The following NRCAM variants were observed in gnomAD, a reference collection of about 807,000 sequenced individuals.
NRCAM encodes the protein NgCAM-related cell adhesion molecule.
NRCAM carries 83 observed loss-of-function variants against 156.5 expected under a neutral mutation model. The observed-to-expected ratio is 0.53, with a 90% CI of 0.44 to 0.64. The LOEUF (loss-of-function observed/expected upper bound fraction) is 0.64, where lower values mean the gene tolerates loss of function less well. Among genes scored for constraint, NRCAM ranks in the 30% least tolerant of loss-of-function variants. The probability of loss-of-function intolerance (pLI) is 0.00; values close to 1 mark genes in which losing one functional copy is unlikely to be tolerated. For synonymous variants in NRCAM, 538 were observed against 563.9 expected, an observed-to-expected ratio of 0.95 and a Z score of 0.65; for missense variants, 1,417 against 1,597.3, an observed-to-expected ratio of 0.89 and a Z score of 1.92.
intron 11 of NRCAM, among the ~76,000 whole-genome samples, chr7:108,209,905 T>C (rs1236483160): frequency 6.6e-6 from 1 of 152,190 alleles, no homozygotes; most frequent in Non-Finnish European, 1.5e-5. Context: ...TTGTGACTAA[T>C]AAGGAACTCT....
intron 3 of NRCAM, among the ~76,000 whole-genome samples, chr7:108,299,574 T>G (rs1482410494): frequency 6.6e-6 from 1 of 152,212 alleles, no homozygotes; most frequent in African/African-American, 2.4e-5. Context: ...TTGCACCTAT[T>G]TATTCTCTGC....
chr7:108,202,324 C>A (rs1280304198), intron 13 of NRCAM, among the ~76,000 whole-genome samples: 1 of 152,166 alleles, frequency 6.6e-6, no homozygotes, highest in Non-Finnish European at 1.5e-5. Context: ...TGCCATCTTA[C>A]ATGAACAGAG....
chr7:108,363,423 G>A lies in NRCAM; in HGVS notation c.-174+36013C>T, dbSNP rs183657939. Among the ~76,000 whole-genome samples the A allele has an allele frequency of 4.9e-4, 75 of 152,162 alleles. No individual in the cohort carries two copies. The East Asian group carries it at 0.012, about 24-fold the overall frequency. On this transcript the variant is annotated intron_variant, in intron 2 of 32. Coordinates refer to ENST00000379028, the MANE Select transcript of NRCAM (RefSeq NM_001037132.4). ...CCTCAGCCTCCCAAGTAGCTGGGAC[G>A]ACAGGCGTGTGCCACCATGCCCAGC...
chr7:108,237,083 CT>C (rs2095104986), intron 5 of NRCAM, among the ~76,000 whole-genome samples: 1 of 152,138 alleles, frequency 6.6e-6, no homozygotes, highest in African/African-American at 2.4e-5. Flanking sequence ...CATAATTTTC[CT>C]GGTTAATCTA....
intron 3 of NRCAM, among the ~76,000 whole-genome samples, chr7:108,299,877 T>C (rs976770752): frequency 6.6e-6 from 1 of 152,228 alleles, no homozygotes; most frequent in Non-Finnish European, 1.5e-5. Flanking sequence ...AGCCCTGCTC[T>C]ACGGTTTACT....
At chr7:108,159,969 T>C (rs1023396784) in intron 31 of NRCAM, among the ~76,000 whole-genome samples, 5 of 152,118 alleles carry the variant, frequency 3.3e-5, no homozygotes, top group Non-Finnish European at 7.4e-5. Context: ...CATTACCTTA[T>C]AGGGAAAGCA....
chr7:108,209,371 G>A (rs1419394071), intron 12 of NRCAM, 50 bp downstream of exon 12: 2 of 1,270,512 alleles, frequency 1.6e-6, no homozygotes, highest in African/African-American at 1.5e-5. Flanking sequence ...TTTAATTAAA[G>A]TTTCAGGGTC....
chr7:108,154,782 A>T (rs182938438), intron 32 of NRCAM, among the ~76,000 whole-genome samples: 31 of 152,232 alleles, frequency 2.0e-4, no homozygotes, highest in Non-Finnish European at 3.1e-4. Context: ...ACAAGCATAC[A>T]TGTCCATCTC....
In NRCAM at chr7:108,184,193, T is replaced by C; in HGVS notation, c.2304+48A>G. 2.0e-6 allele frequency: 3 copies of C among 1,506,136 alleles called. No individual in the cohort carries two copies. In the South Asian group the frequency reaches 3.5e-5, roughly 17 times the overall value. 93.3% of individuals were successfully genotyped at this position (1,506,136 alleles called of 1,614,324 possible). ...TAGATATTATTTTCAAACAACTTTT[T>C]TTTCACTCTAAAAAATAGCGAATAA... On this transcript the variant is annotated intron_variant, in intron 22 of 32. Coordinates refer to ENST00000379028, the MANE Select transcript of NRCAM (RefSeq NM_001037132.4).
At chr7:108,274,827 G>A (rs893867887) in intron 3 of NRCAM, among the ~76,000 whole-genome samples, 5 of 152,168 alleles carry the variant, frequency 3.3e-5, no homozygotes, top group African/African-American at 1.2e-4. Flanking sequence ...GGCTTTCAAT[G>A]GGAATGCTTC....
At position 108,430,134 on chromosome 7, in the gene NRCAM, T is replaced by A. The variant is rs144729544; in HGVS notation, c.-332+26109A>T. On this transcript the variant is annotated intron_variant, in intron 1 of 32. Coordinates refer to ENST00000379028, the MANE Select transcript of NRCAM (RefSeq NM_001037132.4). ...GGCCAGAGAGGCAGCAGGGGTCATGTCCAGTAGTATGTTGCGGGTTTGGTT... is the reference window on the plus strand; with the variant it reads ...GGCCAGAGAGGCAGCAGGGGTCATGACCAGTAGTATGTTGCGGGTTTGGTT... Among the ~76,000 whole-genome samples the A allele has an allele frequency of 6.6e-5, 10 of 152,316 alleles. No homozygotes were observed. The East Asian group carries it at 1.7e-3, about 26-fold the overall frequency.
intron 11 of NRCAM, among the ~76,000 whole-genome samples, chr7:108,211,168 G>GGAGCTGAGTCAATTTAGA (rs750767877): frequency 5.5e-4 from 83 of 152,130 alleles, no homozygotes; most frequent in Non-Finnish European, 7.9e-4. Context: ...GACTTTACCT[G>GGAGCTGAGTCAATTTAGA]GAGCTGAGTC....
intron 3 of NRCAM, among the ~76,000 whole-genome samples, chr7:108,254,551 C>CTTTATTTA (rs71522863): frequency 0.047 from 6,077 of 130,316 alleles, 211 homozygotes; most frequent in South Asian, 0.11. Flanking sequence ...AACAATTTTG[C>CTTTATTTA]TTTTTTTTTT....
chr7:108,451,219 CAAAA>C (rs143670293), intron 1 of NRCAM, among the ~76,000 whole-genome samples: 2 of 106,988 alleles, frequency 1.9e-5, no homozygotes, highest in Non-Finnish European at 3.9e-5. Flanking sequence ...ACTCCGTCTC[CAAAA>C]AAAAAAAAAC....
chr7:108,221,797 T>A lies in NRCAM; in HGVS notation c.890+1928A>T, dbSNP rs2092380145. Among the ~76,000 whole-genome samples the A allele has an allele frequency of 2.6e-5, 4 of 152,136 alleles. No individual in the cohort carries two copies. In the South Asian group the frequency reaches 8.3e-4, roughly 32 times the overall value. ...GCACCAAAATCTCACAAATCACCAC[T>A]AAATAACTTACTCCACTAAATAACT... On this transcript the variant is annotated intron_variant, in intron 11 of 32. Coordinates refer to ENST00000379028, the MANE Select transcript of NRCAM (RefSeq NM_001037132.4).
intron 3 of NRCAM, among the ~76,000 whole-genome samples, chr7:108,307,718 G>A (rs2098738662): frequency 6.6e-6 from 1 of 151,814 alleles, no homozygotes; most frequent in South Asian, 2.1e-4. Flanking sequence ...TGTGTATGCA[G>A]TCAGTTGTGA....
chr7:108,164,415 A>C (rs943809007), intron 30 of NRCAM, among the ~76,000 whole-genome samples: 1 of 152,150 alleles, frequency 6.6e-6, no homozygotes, highest in Admixed American at 6.5e-5. Context: ...AACTATAGAT[A>C]AAGTTGAGTC....
intron 2 of NRCAM, among the ~76,000 whole-genome samples, chr7:108,323,381 G>C (rs1192945624): frequency 1.3e-5 from 2 of 152,040 alleles, no homozygotes; most frequent in Non-Finnish European, 2.9e-5. Context: ...TTGCATTTAA[G>C]CATGACATTG....
At chr7:108,307,440 T>C (rs368263960) in intron 3 of NRCAM, among the ~76,000 whole-genome samples, 1 of 152,246 alleles carries the variant, frequency 6.6e-6, no homozygotes, top group African/African-American at 2.4e-5. Context: ...CCATGCACCA[T>C]ATCCTACTCG....
Sources: gnomAD v4.1 joint callset for allele counts (sites outside exome capture counted in the v4.1 genomes callset) on GRCh38, gnomAD v4.1.1 for gene constraint, MANE v1.5 for transcripts, NCBI Gene and HGNC (gene_info 2026-07-23, HGNC 2026-07-21) for gene names.